ARFGAP3: variants seen among roughly 807,000 people sequenced by gnomAD.
The protein encoded by ARFGAP3 is ADP-ribosylation factor GTPase-activating protein 3.
Under a neutral mutation model 75.0 loss-of-function variants are expected in ARFGAP3, and 72 were observed. The ratio of observed to expected loss-of-function variants is 0.96; its 90% CI spans 0.79 to 1.17. ARFGAP3 has a LOEUF of 1.17. Ranked by LOEUF, ARFGAP3 falls within the 50% of genes most tolerant of loss-of-function variation. ARFGAP3 has a pLI of 0.00. For missense variants in ARFGAP3, 620 were observed against 626.6 expected (o/e 0.99, Z 0.11); for synonymous variants, 221 against 217.9 (o/e 1.01, Z -0.13).
Position 42,797,371 on chromosome 22 carries a change from T to A in ARFGAP3, c.*217A>T. 4 of 600,646 alleles carry A rather than the reference T, an allele frequency of 6.7e-6. No homozygotes were observed. Among genetic ancestry groups the A allele is most frequent in the Admixed American group, 3.1e-5 (1 of 32,478 alleles). 37.2% of individuals were successfully genotyped at this position (600,646 alleles called of 1,614,324 possible). On this transcript the variant is annotated 3_prime_UTR_variant, in exon 16 of 16. Transcript: ENST00000263245. The stretch of plus-strand genomic sequence containing the variant: ...TATACACAGAGACGCCAAAGGAGGG[T>A]GTGACAGGAAGGAACGTGAAACAGA...
intron 14 of ARFGAP3, among the ~76,000 whole-genome samples, chr22:42,805,320 T>A (rs1333602357): frequency 8.5e-5 from 13 of 152,164 alleles, no homozygotes; most frequent in Admixed American, 7.2e-4. Flanking sequence ...AATATTTTTT[T>A]AAAAAAACAA....
chr22:42,846,429 C>CTGTG (rs1927022040), intron 2 of ARFGAP3, among the ~76,000 whole-genome samples: 1 of 152,220 alleles, frequency 6.6e-6, no homozygotes, highest in Admixed American at 6.5e-5. Flanking sequence ...TCCCACTGGA[C>CTGTG]TGTGGGGTTA....
intron 5 of ARFGAP3, 148 bp from the exon 6 acceptor site, chr22:42,831,784 GCTTT>G (rs759657012): frequency 1.3e-5 from 18 of 1,434,990 alleles, no homozygotes; most frequent in Non-Finnish European, 1.5e-5. Context: ...CTTTTTTCTT[GCTTT>G]CTTTTTTTTT....
At chr22:42,798,455 C>G (rs975364562) in intron 15 of ARFGAP3, among the ~76,000 whole-genome samples, 15 of 151,706 alleles carry the variant, frequency 9.9e-5, no homozygotes, top group African/African-American at 2.9e-4. Context: ...AAACGAGCCA[C>G]TCATATCGTC....
At chr22:42,807,260 C>A (rs1449280292) in intron 13 of ARFGAP3, 97 bp from the exon 14 acceptor site, 28 of 1,475,694 alleles carry the variant, frequency 1.9e-5, no homozygotes, top group African/African-American at 4.2e-5. Context: ...AAGTGTTTGA[C>A]CCCCAGGCTC....
In ARFGAP3 at chr22:42,797,512, C is replaced by T. The variant is rs955026934; in HGVS notation, c.*76G>A. The T allele has an allele frequency of 1.9e-6, 3 of 1,587,236 alleles. No individual in the cohort carries two copies. The Admixed American group carries it at 5.0e-5, about 27-fold the overall frequency. On this transcript the variant is annotated 3_prime_UTR_variant, in exon 16 of 16. Coordinates refer to ENST00000263245, the MANE Select transcript of ARFGAP3 (RefSeq NM_014570.5). ...ACAATCTGCAAAACTATCTGGACTT[C>T]ACTGCCGCCTGAGATGTGGTTACTT...
At chr22:42,837,300 A>G (rs1926560264) in intron 3 of ARFGAP3, among the ~76,000 whole-genome samples, 1 of 152,148 alleles carries the variant, frequency 6.6e-6, no homozygotes, top group South Asian at 2.1e-4. Flanking sequence ...CGCCTCTACA[A>G]AAAAACAGAA....
chr22:42,818,824 G>GCTTTTTTTTTTTTTTTTTT (rs1925689544), intron 9 of ARFGAP3, among the ~76,000 whole-genome samples: 1 of 138,444 alleles, frequency 7.2e-6, no homozygotes, highest in Non-Finnish European at 1.6e-5. Context: ...ATTTCTTTCT[G>GCTTTTTTTTTTTTTTTTTT]TTTTTTGAAA....
At chr22:42,798,866 A>C (rs958222902) in intron 15 of ARFGAP3, among the ~76,000 whole-genome samples, 173 bp downstream of exon 15, 2 of 152,258 alleles carry the variant, frequency 1.3e-5, no homozygotes, top group African/African-American at 4.8e-5. Flanking sequence ...GAAAATATTA[A>C]ATATAAAATT....
chr22:42,827,730 A>G (rs1158573265), intron 6 of ARFGAP3, among the ~76,000 whole-genome samples: 3 of 152,176 alleles, frequency 2.0e-5, no homozygotes, highest in Non-Finnish European at 4.4e-5. Flanking sequence ...AGTTGCCAAG[A>G]AATCTGCCTT....
intron 1 of ARFGAP3, among the ~76,000 whole-genome samples, chr22:42,854,820 T>C (rs947871809): frequency 1.3e-5 from 2 of 152,336 alleles, no homozygotes. Context: ...TAAAATGCTA[T>C]TGTTATCTTC....
intron 11 of ARFGAP3, among the ~76,000 whole-genome samples, chr22:42,815,937 A>G (rs1925560617): frequency 6.6e-6 from 1 of 152,118 alleles, no homozygotes; most frequent in Non-Finnish European, 1.5e-5. Context: ...ACATGGCGAA[A>G]CTCCATCTCT....
intron 11 of ARFGAP3, among the ~76,000 whole-genome samples, chr22:42,812,688 G>A (rs1273304802): frequency 6.6e-6 from 1 of 152,210 alleles, no homozygotes; most frequent in Non-Finnish European, 1.5e-5. Context: ...AGGGACAGAG[G>A]ATAAACTGCT....
chr22:42,804,249 T>A (rs1032519316), intron 14 of ARFGAP3, among the ~76,000 whole-genome samples: 1 of 151,084 alleles, frequency 6.6e-6, no homozygotes. Context: ...CTCATTCTAT[T>A]GCCCAGGCTG....
chr22:42,806,198 T>C (rs559283979), intron 14 of ARFGAP3, among the ~76,000 whole-genome samples: 5 of 152,242 alleles, frequency 3.3e-5, no homozygotes, highest in African/African-American at 1.2e-4. Flanking sequence ...GCTCTCCTGC[T>C]GATAAATGGC....
At chr22:42,804,689 T>A (rs1925041094) in intron 14 of ARFGAP3, among the ~76,000 whole-genome samples, 1 of 152,266 alleles carries the variant, frequency 6.6e-6, no homozygotes, top group South Asian at 2.1e-4. Flanking sequence ...CTAATTTTTG[T>A]ATTTTTAGAA....
At chr22:42,841,231 G>T in intron 2 of ARFGAP3, 1 of 330,550 alleles carries the variant, frequency 3.0e-6, no homozygotes, top group Non-Finnish European at 4.3e-6. Flanking sequence ...CTGGAATGCA[G>T]GGCACAGGGA....
chr22:42,814,786 G>A (rs1368028703), intron 11 of ARFGAP3, among the ~76,000 whole-genome samples: 1 of 152,112 alleles, frequency 6.6e-6, no homozygotes, highest in Non-Finnish European at 1.5e-5. Context: ...GCCCAGGCTG[G>A]AGTGCAGTGG....
chr22:42,845,358 C>T (rs2146581213), intron 2 of ARFGAP3, among the ~76,000 whole-genome samples: 1 of 152,192 alleles, frequency 6.6e-6, no homozygotes, highest in African/African-American at 2.4e-5. Context: ...AACTCTGTCT[C>T]TACTAAAAGT....
Sources: allele counts gnomAD v4.1 joint callset (sites outside exome capture counted in the v4.1 genomes callset), GRCh38; gene constraint gnomAD v4.1.1; transcripts MANE v1.5; gene names NCBI Gene and HGNC (gene_info 2026-07-23, HGNC 2026-07-21).